Variants in SMARCA1 observed in about 807,000 individuals in gnomAD.
The protein encoded by SMARCA1 is SNF2 related chromatin remodeling ATPase 1.
Under a neutral mutation model 93.6 loss-of-function variants are expected in SMARCA1, and 17 were observed. That is an observed-to-expected ratio of 0.18 (90% CI 0.12 to 0.27). The LOEUF (loss-of-function observed/expected upper bound fraction) is 0.27. Ranked by LOEUF, SMARCA1 falls within the 10% of genes least tolerant of loss-of-function variation. SMARCA1 has a pLI of 1.00. For synonymous variants in SMARCA1, 271 were observed against 271.4 expected (o/e 1.00, Z 0.01); for missense variants, 630 against 819.0 (o/e 0.77, Z 2.82).
chrX:129,486,810 TTGATGATGA>T lies in SMARCA1; in HGVS notation c.2217+199_2217+207del, dbSNP rs35899125. 1.8e-3 allele frequency among the ~76,000 whole-genome samples: 193 copies of T among 106,510 alleles called. No homozygotes were observed. In the Middle Eastern group the frequency reaches 0.019, roughly 11 times the overall value. 92.5% of individuals were successfully genotyped at this position (106,510 alleles called of 115,157 possible). A position where few individuals can be genotyped will look rare whatever the true frequency, so the allele number is the denominator to read the frequency against. ...GCAGCAGCAGCAGCAACAGCAAAAA[TTGATGATGA>T]TGATGATGATGATGATGACGACGAC... On this transcript the variant is annotated intron_variant, in intron 17 of 24. Coordinates refer to ENST00000371121, the MANE Select transcript of SMARCA1 (RefSeq NM_001282874.2).
At chrX:129,476,940 C>G (rs1411704690) in intron 19 of SMARCA1, among the ~76,000 whole-genome samples, 1 of 111,838 alleles carries the variant, frequency 8.9e-6, no homozygotes, top group Non-Finnish European at 1.9e-5. Context: ...GTCCATAGTT[C>G]CTAGTAAAGA....
chrX:129,516,034 A>T, intron 3 of SMARCA1, 40 bp from the exon 4 acceptor site: 4 of 934,703 alleles, frequency 4.3e-6, no homozygotes, highest in Non-Finnish European at 6.1e-6. Context: ...TTCGACCTAA[A>T]TGATAAGGTA....
intron 13 of SMARCA1, among the ~76,000 whole-genome samples, chrX:129,492,564 A>G (rs1375158594): frequency 9.0e-6 from 1 of 111,498 alleles, no homozygotes; most frequent in East Asian, 2.8e-4. Context: ...ATGGTTTACA[A>G]ATGGGAATGA....
At chrX:129,488,662 A>AAATT (rs1452271169) in intron 16 of SMARCA1, among the ~76,000 whole-genome samples, 4 of 109,694 alleles carry the variant, frequency 3.6e-5, no homozygotes, top group Non-Finnish European at 7.6e-5. Flanking sequence ...ATTAAACACA[A>AAATT]AATTTACTTG....
intron 5 of SMARCA1, among the ~76,000 whole-genome samples, chrX:129,512,896 G>A (rs191314568): frequency 1.4e-4 from 16 of 111,647 alleles, no homozygotes; most frequent in South Asian, 3.7e-4. Context: ...ACTACACATC[G>A]GGCAATCCAA....
At chrX:129,489,364 A>AT (rs1485301143) in intron 15 of SMARCA1, among the ~76,000 whole-genome samples, 1 of 112,106 alleles carries the variant, frequency 8.9e-6, no homozygotes, top group Non-Finnish European at 1.9e-5. Context: ...AAACTTCTCT[A>AT]TATGAAAAGG....
At chrX:129,492,597 TAAG>T (rs755305265) in intron 13 of SMARCA1, among the ~76,000 whole-genome samples, 3 of 110,747 alleles carry the variant, frequency 2.7e-5, no homozygotes, top group Non-Finnish European at 3.8e-5. Context: ...AAGGGGAAAG[TAAG>T]AAGATTTCTA....
chrX:129,496,534 A>G (rs1934335476), intron 12 of SMARCA1, among the ~76,000 whole-genome samples: 1 of 110,928 alleles, frequency 9.0e-6, no homozygotes, highest in African/African-American at 3.3e-5. Context: ...CCCTTTAGAT[A>G]AGTGGTGATG....
chrX:129,507,792 T>C (rs146072804), intron 7 of SMARCA1, 149 bp downstream of exon 7: 4,097 of 387,458 alleles, frequency 0.011, 30 homozygotes, highest in African/African-American at 0.044. Context: ...GATCTTGTGA[T>C]CCGCCCTCCT....
chrX:129,452,224 T>A (rs1283177322), intron 23 of SMARCA1, among the ~76,000 whole-genome samples: 1 of 112,477 alleles, frequency 8.9e-6, no homozygotes, highest in African/African-American at 3.2e-5. Context: ...TCTCCTAGAT[T>A]CTTGTACATC....
chrX:129,461,492 T>C (rs923644881), intron 23 of SMARCA1, among the ~76,000 whole-genome samples: 3 of 111,549 alleles, frequency 2.7e-5, no homozygotes, highest in African/African-American at 9.8e-5. Flanking sequence ...TCTTCCAGAA[T>C]CTCCCAGTCA....
chrX:129,478,124 C>T (rs1842532669), intron 19 of SMARCA1, among the ~76,000 whole-genome samples: 1 of 111,921 alleles, frequency 8.9e-6, no homozygotes, highest in Non-Finnish European at 1.9e-5. Context: ...TCCCTGATCT[C>T]CCAGTCCACA....
chrX:129,484,261 C>T (rs901034138), intron 17 of SMARCA1, among the ~76,000 whole-genome samples: 1 of 111,660 alleles, frequency 9.0e-6, no homozygotes, highest in South Asian at 3.7e-4. Flanking sequence ...CATAAGTCTG[C>T]AGGAATAATT....
intron 21 of SMARCA1, among the ~76,000 whole-genome samples, chrX:129,466,712 T>C (rs774602594): frequency 1.5e-4 from 17 of 110,835 alleles, no homozygotes; most frequent in Non-Finnish European, 3.2e-4. Flanking sequence ...TTCAAATTTT[T>C]TTCTATGGAG....
intron 17 of SMARCA1, among the ~76,000 whole-genome samples, chrX:129,482,544 T>C (rs1933728215): frequency 9.0e-6 from 1 of 111,320 alleles, no homozygotes; most frequent in Admixed American, 9.5e-5. Context: ...TTGGGGAAAT[T>C]ATTTTTTTCC....
intron 17 of SMARCA1, among the ~76,000 whole-genome samples, chrX:129,486,810 T>TTGATGA (rs35899125): frequency 0.085 from 9,094 of 106,375 alleles, 371 homozygotes; most frequent in East Asian, 0.3. Flanking sequence ...ACAGCAAAAA[T>TTGATGA]TGATGATGAT....
chrX:129,480,406 T>A (rs1933601292), intron 19 of SMARCA1, among the ~76,000 whole-genome samples: 1 of 112,430 alleles, frequency 8.9e-6, no homozygotes, highest in Non-Finnish European at 1.9e-5. Context: ...TACCTATTGT[T>A]CTCTCTACAT....
intron 17 of SMARCA1, 127 bp downstream of exon 17, chrX:129,486,891 A>G (rs1933915687): frequency 1.9e-6 from 1 of 539,392 alleles, no homozygotes; most frequent in African/African-American, 2.3e-5. Flanking sequence ...TGCATGAGAT[A>G]TTTAGACCTA....
At chrX:129,506,235 G>A in intron 7 of SMARCA1, 24 bp from the exon 8 acceptor site, 1 of 1,080,633 alleles carries the variant, frequency 9.3e-7, no homozygotes, top group Non-Finnish European at 1.3e-6. Context: ...CTCATATGAG[G>A]ATTATTTTAC....
Sources: gnomAD v4.1 joint callset for allele counts (sites outside exome capture counted in the v4.1 genomes callset) on GRCh38, gnomAD v4.1.1 for gene constraint, MANE v1.5 for transcripts, NCBI Gene and HGNC (gene_info 2026-07-23, HGNC 2026-07-21) for gene names.